Variants in PHF24 observed in about 807,000 individuals in gnomAD.
PHF24 encodes PHD finger protein 24, also known as Galpha inhibitory interacting protein.
Under a neutral mutation model 42.6 loss-of-function variants are expected in PHF24, and 25 were observed. The ratio of observed to expected loss-of-function variants is 0.59; its 90% CI spans 0.43 to 0.82. PHF24 has a LOEUF of 0.82. Ranked by LOEUF, PHF24 falls within the 40% of genes least tolerant of loss-of-function variation. PHF24 has a pLI of 0.00. For missense variants in PHF24, 470 were observed against 538.1 expected (o/e 0.87, Z 1.25); for synonymous variants, 185 against 204.8 (o/e 0.90, Z 0.83).
At chr9:34,853,058 T>A in the PHF24 span, among the ~76,000 whole-genome samples, 1 of 152,260 alleles carries the variant, frequency 6.6e-6, no homozygotes, top group South Asian at 2.1e-4. Flanking sequence ...AAGGGAATGC[T>A]TCCAGCTTTT....
chr9:34,773,083 C>T, the PHF24 span, among the ~76,000 whole-genome samples: 19 of 151,804 alleles, frequency 1.3e-4, no homozygotes, highest in Admixed American at 1.0e-3. Context: ...CTCCGCCTCG[C>T]GGGTTCAAGT....
the PHF24 span, chr9:34,918,263 A>C: frequency 6.8e-7 from 1 of 1,468,006 alleles, no homozygotes; most frequent in Non-Finnish European, 9.5e-7. Flanking sequence ...TTCTCAATGA[A>C]ACTGGTGATG....
the PHF24 span, among the ~76,000 whole-genome samples, chr9:34,748,257 T>C: frequency 1.3e-5 from 2 of 152,244 alleles, no homozygotes; most frequent in Non-Finnish European, 2.9e-5. Context: ...TTTTTCTGTA[T>C]GTATGTTATA....
At chr9:34,740,874 C>T in the PHF24 span, among the ~76,000 whole-genome samples, 1 of 151,850 alleles carries the variant, frequency 6.6e-6, no homozygotes, top group African/African-American at 2.4e-5. Context: ...ATAGTGTCCT[C>T]TCTTTCTCTC....
the PHF24 span, among the ~76,000 whole-genome samples, chr9:34,855,234 C>T: frequency 6.6e-6 from 1 of 152,152 alleles, no homozygotes; most frequent in Non-Finnish European, 1.5e-5. Flanking sequence ...TCCAGCTTGC[C>T]ATTCTGTATC....
the PHF24 span, among the ~76,000 whole-genome samples, chr9:34,899,204 A>G: frequency 6.6e-6 from 1 of 152,202 alleles, no homozygotes; most frequent in African/African-American, 2.4e-5. Flanking sequence ...CAAACGAGGG[A>G]GATGAACTAC....
the PHF24 span, among the ~76,000 whole-genome samples, chr9:34,691,688 C>T: frequency 6.6e-6 from 1 of 152,156 alleles, no homozygotes; most frequent in Admixed American, 6.5e-5. Flanking sequence ...AAGAAGGCTC[C>T]CTGGCACCCT....
chr9:34,814,207 T>G, the PHF24 span, among the ~76,000 whole-genome samples: 2 of 152,166 alleles, frequency 1.3e-5, no homozygotes, highest in African/African-American at 4.8e-5. Flanking sequence ...CCAAGTGTCT[T>G]TCCTAGGACT....
upstream of PHF24, among the ~76,000 whole-genome samples, chr9:34,954,743 A>C (rs1204427403): frequency 2.0e-5 from 3 of 152,214 alleles, no homozygotes; most frequent in Non-Finnish European, 4.4e-5. Context: ...TAATACTCTA[A>C]ATGCTTAGGA....
chr9:34,860,671 T>C, the PHF24 span, among the ~76,000 whole-genome samples: 1 of 147,904 alleles, frequency 6.8e-6, no homozygotes, highest in South Asian at 2.2e-4. Context: ...ATGACTCTTA[T>C]AATGAGACCT....
chr9:34,677,619 C>G, the PHF24 span, among the ~76,000 whole-genome samples: 2 of 152,032 alleles, frequency 1.3e-5, no homozygotes, highest in African/African-American at 2.4e-5. Flanking sequence ...AGGATGTTCT[C>G]GATCTCCTGA....
At chr9:34,728,374 T>G in the PHF24 span, among the ~76,000 whole-genome samples, 1 of 152,254 alleles carries the variant, frequency 6.6e-6, no homozygotes, top group Admixed American at 6.5e-5. Context: ...ACTAGTAAGT[T>G]ATACAATTAA....
chr9:34,864,020 C>A, the PHF24 span, among the ~76,000 whole-genome samples: 1 of 152,182 alleles, frequency 6.6e-6, no homozygotes, highest in African/African-American at 2.4e-5. Context: ...AAGAATGCAT[C>A]AGAGTCTTCT....
the PHF24 span, among the ~76,000 whole-genome samples, chr9:34,846,367 T>C: frequency 2.0e-5 from 3 of 151,810 alleles, no homozygotes; most frequent in Non-Finnish European, 4.4e-5. Flanking sequence ...GAGCATTTTT[T>C]CATGTGTTTT....
chr9:34,882,015 C>T, the PHF24 span, among the ~76,000 whole-genome samples: 2 of 152,164 alleles, frequency 1.3e-5, no homozygotes, highest in Non-Finnish European at 2.9e-5. Flanking sequence ...TTATCCACCA[C>T]AATCAAGTTG....
At chr9:34,869,580 C>T in the PHF24 span, among the ~76,000 whole-genome samples, 3 of 152,114 alleles carry the variant, frequency 2.0e-5, no homozygotes, top group African/African-American at 7.2e-5. Context: ...ACAGCTCCCC[C>T]TGCCTCCCAC....
the PHF24 span, chr9:34,918,395 A>G: frequency 1.7e-6 from 1 of 595,902 alleles, no homozygotes; most frequent in Non-Finnish European, 3.0e-6. Context: ...CGAAGGGTGA[A>G]TACCAAGGTC....
At chr9:34,741,585 C>A in the PHF24 span, among the ~76,000 whole-genome samples, 2 of 152,118 alleles carry the variant, frequency 1.3e-5, no homozygotes, top group Non-Finnish European at 2.9e-5. Context: ...TGGCCTCGAA[C>A]TCCCGACCTC....
At chr9:34,684,616 G>A in the PHF24 span, among the ~76,000 whole-genome samples, 2 of 152,182 alleles carry the variant, frequency 1.3e-5, no homozygotes, top group African/African-American at 2.4e-5. Context: ...AGGAATGGGG[G>A]TTCCTCAACT....
Sources: gnomAD v4.1 joint callset for allele counts (sites outside exome capture counted in the v4.1 genomes callset) on GRCh38, gnomAD v4.1.1 for gene constraint, MANE v1.5 for transcripts, NCBI Gene and HGNC (gene_info 2026-07-23, HGNC 2026-07-21) for gene names.